Variants in TRIQK observed in about 807,000 individuals in gnomAD.
The protein encoded by TRIQK is triple QxxK/R motif containing.
In TRIQK, 10 loss-of-function variants were observed where a neutral mutation model predicts 10.8. That is an observed-to-expected ratio of 0.92 (90% CI 0.57 to 1.57). The LOEUF is 1.57. Among genes scored for constraint, TRIQK ranks in the 40% most tolerant of loss-of-function variants. The pLI, the probability that TRIQK is intolerant of heterozygous loss-of-function variation, is 0.00. For missense variants in TRIQK, 107 were observed against 97.7 expected (o/e 1.09, Z -0.40); for synonymous variants, 33 against 33.7 (o/e 0.98, Z 0.07).
chr8:92,942,226 C>CA (rs1811303971), intron 2 of TRIQK, among the ~76,000 whole-genome samples: 1 of 152,142 alleles, frequency 6.6e-6, no homozygotes, highest in African/African-American at 2.4e-5. Context: ...CCCCAGGATG[C>CA]AAGGATGGTT....
intron 3 of TRIQK, among the ~76,000 whole-genome samples, chr8:92,909,125 C>G (rs889382673): frequency 2.6e-5 from 4 of 151,820 alleles, no homozygotes; most frequent in African/African-American, 9.7e-5. Context: ...AATAGTCTTT[C>G]GTATGGAATC....
At chr8:92,990,448 T>C (rs1813084818) in intron 1 of TRIQK, among the ~76,000 whole-genome samples, 1 of 152,136 alleles carries the variant, frequency 6.6e-6, no homozygotes, top group Non-Finnish European at 1.5e-5. Flanking sequence ...GAAGATCACG[T>C]AGTTGTCGCT....
chr8:92,937,149 A>T (rs1042579853), intron 2 of TRIQK, among the ~76,000 whole-genome samples: 2 of 151,802 alleles, frequency 1.3e-5, no homozygotes, highest in African/African-American at 4.8e-5. Context: ...GGAAAATAAA[A>T]CTCTGTATGT....
At chr8:92,918,017 T>C (rs1405494383) in intron 2 of TRIQK, among the ~76,000 whole-genome samples, 1 of 152,074 alleles carries the variant, frequency 6.6e-6, no homozygotes, top group African/African-American at 2.4e-5. Context: ...CTTAACATAA[T>C]GACCTTCAGT....
chr8:92,935,993 A>G (rs1055223890), intron 2 of TRIQK, among the ~76,000 whole-genome samples: 19 of 151,684 alleles, frequency 1.3e-4, no homozygotes, highest in Admixed American at 2.6e-4. Context: ...GTAAGATTAA[A>G]TGGTCAACAA....
At chr8:93,015,387 C>T (rs1236170307) in intron 1 of TRIQK, among the ~76,000 whole-genome samples, 3 of 151,168 alleles carry the variant, frequency 2.0e-5, no homozygotes, top group Non-Finnish European at 3.0e-5. Flanking sequence ...ATAATTAACC[C>T]TTTTCCCCAT....
chr8:92,981,626 T>G (rs1812988095), intron 1 of TRIQK, among the ~76,000 whole-genome samples: 1 of 151,904 alleles, frequency 6.6e-6, no homozygotes, highest in South Asian at 2.1e-4. Flanking sequence ...AAATATCTAT[T>G]TCTGTCCCTT....
chr8:92,945,637 C>T (rs1294454529), intron 2 of TRIQK, among the ~76,000 whole-genome samples: 1 of 152,182 alleles, frequency 6.6e-6, no homozygotes, highest in East Asian at 1.9e-4. Context: ...GACCAACTTA[C>T]ATTTGTTTTT....
At chr8:93,014,761 T>G (rs1414319829) in intron 1 of TRIQK, among the ~76,000 whole-genome samples, 1 of 152,000 alleles carries the variant, frequency 6.6e-6, no homozygotes, top group African/African-American at 2.4e-5. Flanking sequence ...AAATCTGTAT[T>G]TCATTTGTTA....
intron 3 of TRIQK, among the ~76,000 whole-genome samples, chr8:92,898,822 GGTGT>G (rs1333719256): frequency 1.4e-5 from 1 of 74,046 alleles, no homozygotes; most frequent in South Asian, 4.8e-4. Flanking sequence ...GTACATAATA[GGTGT>G]GTGTGTGTAT....
intron 1 of TRIQK, among the ~76,000 whole-genome samples, chr8:92,995,431 C>A (rs773358547): frequency 1.3e-5 from 2 of 151,950 alleles, no homozygotes; most frequent in Admixed American, 6.6e-5. Context: ...ATTCAGTGAG[C>A]CTTTTCAATC....
chr8:92,991,714 G>C (rs1229534814), intron 1 of TRIQK, among the ~76,000 whole-genome samples: 1 of 152,154 alleles, frequency 6.6e-6, no homozygotes, highest in Non-Finnish European at 1.5e-5. Flanking sequence ...AAGTCAAATT[G>C]TCTCTGTTTG....
In TRIQK at chr8:93,010,525, T is replaced by G. The variant is rs189509285; in HGVS notation, c.-181+7084A>C. Among the ~76,000 whole-genome samples, 342 of 152,242 alleles carry G rather than the reference T, an allele frequency of 2.2e-3. 3 individuals carry two copies. The highest frequency in any genetic ancestry group is 7.7e-3 in the African/African-American group (321 of 41,566). The stretch of plus-strand genomic sequence containing the variant: ...ATTAAAAAATAAGTACAAATTATAA[T>G]TTATATGAATTTGTAATTAAAATTA... On this transcript the variant is annotated intron_variant, in intron 1 of 4. Transcript: ENST00000520686.
chr8:92,893,187 T>A (rs1816846649), intron 3 of TRIQK, among the ~76,000 whole-genome samples: 1 of 151,976 alleles, frequency 6.6e-6, no homozygotes, highest in Non-Finnish European at 1.5e-5. Context: ...ATCATAAAAA[T>A]TTAATGTGCA....
At chr8:92,922,083 TA>T (rs1210960053) in intron 2 of TRIQK, among the ~76,000 whole-genome samples, 2 of 151,832 alleles carry the variant, frequency 1.3e-5, no homozygotes, top group Non-Finnish European at 3.0e-5. Flanking sequence ...TCAAATAAGT[TA>T]AATTTTCATC....
At chr8:93,002,646 G>A (rs768263682) in intron 1 of TRIQK, among the ~76,000 whole-genome samples, 3 of 152,166 alleles carry the variant, frequency 2.0e-5, no homozygotes, top group Admixed American at 1.3e-4. Context: ...TCGGCCAGGT[G>A]TAGTGGCTCA....
intron 2 of TRIQK, among the ~76,000 whole-genome samples, chr8:92,929,322 G>T (rs942598573): frequency 6.6e-6 from 1 of 152,072 alleles, no homozygotes; most frequent in Non-Finnish European, 1.5e-5. Context: ...GGCTGACGAG[G>T]GTGGAGGAGC....
intron 1 of TRIQK, among the ~76,000 whole-genome samples, chr8:92,975,210 T>C (rs1042388068): frequency 6.6e-6 from 1 of 152,242 alleles, no homozygotes; most frequent in African/African-American, 2.4e-5. Context: ...GCTGGTCTCA[T>C]AGAAAAAGTT....
chr8:92,984,020 T>C (rs1813009991), intron 1 of TRIQK, among the ~76,000 whole-genome samples: 1 of 152,068 alleles, frequency 6.6e-6, no homozygotes, highest in African/African-American at 2.4e-5. Flanking sequence ...GTGAAAAATA[T>C]CTATTTGTCT....
Sources: allele counts gnomAD v4.1 joint callset (sites outside exome capture counted in the v4.1 genomes callset), GRCh38; gene constraint gnomAD v4.1.1; transcripts MANE v1.5; gene names NCBI Gene and HGNC (gene_info 2026-07-23, HGNC 2026-07-21).